RNF213: variants seen among roughly 807,000 people sequenced by gnomAD.
The protein encoded by RNF213 is E3 ubiquitin-protein ligase RNF213.
A neutral mutation model predicts 514.4 loss-of-function variants in RNF213; 341 were observed. The ratio of observed to expected loss-of-function variants is 0.66; its 90% CI spans 0.61 to 0.73. The LOEUF (loss-of-function observed/expected upper bound fraction) is 0.73. RNF213 is among the 30% of genes least tolerant of loss of function. The pLI is 0.00. For synonymous variants in RNF213, 2,655 were observed against 2,658.2 expected (o/e 1.00, Z 0.04); for missense variants, 5,767 against 6,615.6 (o/e 0.87, Z 4.45).
intron 44 of RNF213, among the ~76,000 whole-genome samples, chr17:80,369,043 T>C (rs2079399586): frequency 6.6e-6 from 1 of 152,220 alleles, no homozygotes; most frequent in African/African-American, 2.4e-5. Context: ...AAATATCATC[T>C]GCTGAGGTTT....
intron 20 of RNF213, among the ~76,000 whole-genome samples, chr17:80,330,594 C>T (rs1316249868): frequency 2.0e-5 from 3 of 152,224 alleles, no homozygotes; most frequent in Non-Finnish European, 4.4e-5. Flanking sequence ...CACACCCCAT[C>T]CTCCTTCCCC....
Position 80,288,902 on chromosome 17 carries a change from C to G in RNF213, c.933+147C>G, listed in dbSNP as rs1002179557. 7.1e-7 allele frequency: 1 copy of G among 1,404,286 alleles called. No individual in the cohort carries two copies. Among genetic ancestry groups the G allele is most frequent in the African/African-American group, 1.4e-5 (1 of 70,148 alleles). The allele number at this position is 1,404,286 out of a possible 1,614,324, so 87.0% of individuals were successfully genotyped here. Reference sequence around the variant, plus strand: ...CTCTGGCCTTCGGGGTGCTCACATTCCAGCGGAGAGAGAGTCAGGAAACCG... The same window carrying G: ...CTCTGGCCTTCGGGGTGCTCACATTGCAGCGGAGAGAGAGTCAGGAAACCG... On this transcript the variant is annotated intron_variant, in intron 5 of 67. Coordinates refer to ENST00000582970, the MANE Select transcript of RNF213 (RefSeq NM_001256071.3). The surrounding 1 kb of genome is among the most constrained non-coding windows in gnomAD (Gnocchi z 4.9).
intron 54 of RNF213, among the ~76,000 whole-genome samples, chr17:80,379,303 T>C (rs2079889272): frequency 1.3e-5 from 2 of 152,204 alleles, no homozygotes; most frequent in South Asian, 4.1e-4. Context: ...GTGTGATAGA[T>C]GGAGGGATGG....
intron 2 of RNF213, among the ~76,000 whole-genome samples, chr17:80,267,420 C>T (rs1268813425): frequency 6.6e-6 from 1 of 151,884 alleles, no homozygotes. Context: ...TCCAGCCTGG[C>T]GACAGAGCGA....
At chr17:80,392,354 C>G (rs957051479) in intron 67 of RNF213, among the ~76,000 whole-genome samples, 1 of 152,144 alleles carries the variant, frequency 6.6e-6, no homozygotes, top group Non-Finnish European at 1.5e-5. Context: ...TAATGTGAAA[C>G]ATGTAATAGA....
rs2080123726 is a variant in RNF213, at chr17:80,383,899, G to A, written c.14293G>A (p.Val4765Met). The A allele has an allele frequency of 8.1e-6, 13 of 1,614,174 alleles. No individual in the cohort carries two copies. In the East Asian group the frequency reaches 2.9e-4, roughly 36 times the overall value. ...GGAACAGAAAAATGGCAAAGAAAGA[G>A]TGCCCATCCTCTGGCATTTCCTGCA... is the stretch of plus-strand genomic sequence containing the variant. ...IVEQKNGKERVPILWHFLQKE... is the reference protein window; with the variant it reads ...IVEQKNGKERMPILWHFLQKE... The change falls in exon 59 of 68, where the codon GTG becomes ATG. Residue 4765 changes from valine (V) to methionine (M), a missense_variant. This residue lies in a region of RNF213 where 1,245 missense variants were observed against 1,339.0 expected (regional missense o/e 0.93). Transcript: ENST00000582970.
intron 23 of RNF213, chr17:80,336,926 G>T: frequency 5.0e-6 from 1 of 199,082 alleles, no homozygotes; most frequent in Non-Finnish European, 1.0e-5. Flanking sequence ...AAAGAAAAAA[G>T]TAAACATTTA....
chr17:80,329,825 T>G (rs1327030918), intron 20 of RNF213, among the ~76,000 whole-genome samples: 5 of 152,274 alleles, frequency 3.3e-5, no homozygotes, highest in Admixed American at 3.3e-4. Flanking sequence ...AGTGGGACCC[T>G]GTCTCAAAAA....
chr17:80,303,315 C>T (rs2066135481), intron 11 of RNF213, among the ~76,000 whole-genome samples: 1 of 152,174 alleles, frequency 6.6e-6, no homozygotes, highest in Admixed American at 6.5e-5. Context: ...CACTCTGGGC[C>T]TTGCAGTGAG....
At position 80,348,408 on chromosome 17, in the gene RNF213, C is replaced by T. The variant is rs552385009; in HGVS notation, c.9951+122C>T. 137 of 1,382,202 alleles carry T rather than the reference C, an allele frequency of 9.9e-5. 1 individual carries two copies. The highest frequency in any genetic ancestry group is 9.8e-4 in the Middle Eastern group (4 of 4,070). The allele number at this position is 1,382,202 out of a possible 1,614,324, so 85.6% of individuals were successfully genotyped here. Reference sequence around the variant, plus strand: ...GGGATCCTGCAGGGAGATGCTGAGACGCTGAGCTCTCCTCCGCGGTAAGTG... The same window carrying T: ...GGGATCCTGCAGGGAGATGCTGAGATGCTGAGCTCTCCTCCGCGGTAAGTG... On this transcript the variant is annotated intron_variant, in intron 29 of 67. Transcript: ENST00000582970.
chr17:80,351,866 T>C (rs1332855800), intron 32 of RNF213, 63 bp downstream of exon 32: 14 of 978,760 alleles, frequency 1.4e-5, no homozygotes, highest in Non-Finnish European at 2.1e-5. Flanking sequence ...TGTATCTATT[T>C]ATTTTTTGAG....
At chr17:80,388,759 G>C in intron 64 of RNF213, 70 bp downstream of exon 64, 1 of 1,162,252 alleles carries the variant, frequency 8.6e-7, no homozygotes, top group Non-Finnish European at 1.3e-6. Context: ...TCCGTGTTAG[G>C]CCTACTCCAG....
In RNF213 at chr17:80,349,983, C is replaced by T. The variant is rs950581619; in HGVS notation, c.10088+77C>T. On this transcript the variant is annotated intron_variant, in intron 30 of 67. Transcript: ENST00000582970. ...GTGGCTTCTGCGTGGCGATGGTACC[C>T]GCGCCGGTTAATGAGCGCCACAGTC... 45 of 1,534,930 alleles carry T rather than the reference C, an allele frequency of 2.9e-5. No individual in the cohort carries two copies. The South Asian group carries it at 3.0e-4, about 10-fold the overall frequency.
intron 63 of RNF213, among the ~76,000 whole-genome samples, chr17:80,387,200 G>A (rs2080271552): frequency 6.6e-6 from 1 of 152,176 alleles, no homozygotes; most frequent in Non-Finnish European, 1.5e-5. Context: ...TCCACCTCTG[G>A]GCTCAAGCGA....
At chr17:80,363,862 A>G in intron 41 of RNF213, 72 bp downstream of exon 41, 1 of 1,457,802 alleles carries the variant, frequency 6.9e-7, no homozygotes, top group East Asian at 2.4e-5. Context: ...AGTGCCAGGC[A>G]TGTCCATGAG....
intron 3 of RNF213, among the ~76,000 whole-genome samples, chr17:80,284,457 T>G (rs1475272640): frequency 6.6e-6 from 1 of 151,406 alleles, no homozygotes; most frequent in Non-Finnish European, 1.5e-5. Flanking sequence ...GGCAGGAGAA[T>G]GGCATGAACC....
intron 1 of RNF213, among the ~76,000 whole-genome samples, chr17:80,261,732 T>A (rs1003325358): frequency 6.6e-6 from 1 of 152,170 alleles, no homozygotes; most frequent in Non-Finnish European, 1.5e-5. Context: ...TAAGATGCTT[T>A]AGGGGGCCGG....
At chr17:80,281,223 C>A (rs1598909593) in intron 3 of RNF213, among the ~76,000 whole-genome samples, 1 of 118,266 alleles carries the variant, frequency 8.5e-6, no homozygotes, top group Non-Finnish European at 1.8e-5. Context: ...CACCCCCACA[C>A]ACACCCCACT....
Position 80,354,464 on chromosome 17 carries a change from A to G in RNF213, c.10750A>G (p.Met3584Val). 1.2e-6 allele frequency: 2 copies of G among 1,614,196 alleles called. No homozygotes were observed. Among genetic ancestry groups the G allele is most frequent in the Non-Finnish European group, 1.7e-6 (2 of 1,180,036 alleles). Residue 3584 changes from methionine (M) to valine (V), a missense_variant, in exon 36 of 68, where the codon ATG becomes GTG. Transcript: ENST00000582970. Reference sequence around the variant, plus strand: ...AGCCTCTTTCTTGCGGGTATCCAAGATGCGCCTCAGTGTCTTTTTAAAGAA... The same window carrying G: ...AGCCTCTTTCTTGCGGGTATCCAAGGTGCGCCTCAGTGTCTTTTTAAAGAA... ...CHASFLRVSK[M>V]RLSVFLKKQE...
Sources: allele counts gnomAD v4.1 joint callset (sites outside exome capture counted in the v4.1 genomes callset), GRCh38; gene constraint gnomAD v4.1.1; regional missense constraint gnomAD v4.1.1; non-coding constraint Gnocchi (gnomAD v3.1); transcripts MANE v1.5; gene names NCBI Gene and HGNC (gene_info 2026-07-23, HGNC 2026-07-21).